MED30: variants seen among roughly 807,000 people sequenced by gnomAD.
MED30 encodes the protein mediator complex subunit 30, also known as mediator of RNA polymerase II transcription subunit 30.
Under a neutral mutation model 21.7 loss-of-function variants are expected in MED30, and 8 were observed. That is an observed-to-expected ratio of 0.37 (90% CI 0.22 to 0.67). MED30 has a LOEUF of 0.67. Among genes scored for constraint, MED30 ranks in the 30% least tolerant of loss-of-function variants. The probability of loss-of-function intolerance (pLI) is 0.58; values close to 1 mark genes in which losing one functional copy is unlikely to be tolerated. For missense variants in MED30, 203 were observed against 228.2 expected (o/e 0.89, Z 0.71); for synonymous variants, 79 against 86.7 (o/e 0.91, Z 0.49).
intron 1 of MED30, among the ~76,000 whole-genome samples, chr8:117,525,277 A>G (rs1818701207): frequency 6.7e-6 from 1 of 150,296 alleles, no homozygotes; most frequent in East Asian, 1.9e-4. Context: ...CTCTTAAAAT[A>G]TTTTAATTAT....
intron 3 of MED30, among the ~76,000 whole-genome samples, chr8:117,533,576 T>A (rs989118894): frequency 1.3e-5 from 2 of 152,166 alleles, no homozygotes; most frequent in African/African-American, 4.8e-5. Flanking sequence ...TAGGGTCATA[T>A]TTCCTTGATT....
In MED30 at chr8:117,530,839, GTTTTTACATTTTATGTT is replaced by G. The variant is rs746617231; in HGVS notation, c.441+15_441+31del. The G allele has an allele frequency of 1.9e-5, 30 of 1,579,032 alleles. No individual in the cohort carries two copies. Among genetic ancestry groups the G allele is most frequent in the Middle Eastern group, 3.3e-4 (2 of 6,032 alleles). Reference sequence around the variant, plus strand: ...CTGAAGTAAATAAAGTGAGTTGTTAGTTTTTACATTTTATGTTTTAGAGTTATTGATAAAAATTACTA... The same window carrying G: ...CTGAAGTAAATAAAGTGAGTTGTTAGTTAGAGTTATTGATAAAAATTACTA... On this transcript the variant is annotated intron_variant, in intron 3 of 3. Transcript: ENST00000297347.
At chr8:117,525,433 A>C (rs891474675) in intron 1 of MED30, among the ~76,000 whole-genome samples, 1 of 151,266 alleles carries the variant, frequency 6.6e-6, no homozygotes, top group Non-Finnish European at 1.5e-5. Context: ...GATACAACTT[A>C]AAGTTATTTT....
intron 3 of MED30, among the ~76,000 whole-genome samples, chr8:117,538,191 A>C (rs1818913808): frequency 6.6e-6 from 1 of 152,218 alleles, no homozygotes; most frequent in Non-Finnish European, 1.5e-5. Flanking sequence ...GTCATCTGAA[A>C]ACTTGTGCAA....
chr8:117,535,304 G>T (rs1186414320), intron 3 of MED30, among the ~76,000 whole-genome samples: 2 of 149,350 alleles, frequency 1.3e-5, no homozygotes, highest in African/African-American at 5.0e-5. Flanking sequence ...GAGTGCAGTG[G>T]CACGATCTCG....
At chr8:117,524,340 G>C (rs1380758557) in intron 1 of MED30, among the ~76,000 whole-genome samples, 1 of 152,164 alleles carries the variant, frequency 6.6e-6, no homozygotes, top group African/African-American at 2.4e-5. Flanking sequence ...ATCTACGAGA[G>C]TAAAGTGCTG....
chr8:117,523,283 G>T, intron 1 of MED30: 1 of 1,212,066 alleles, frequency 8.3e-7, no homozygotes, highest in Non-Finnish European at 1.2e-6. Flanking sequence ...GGCTGACCAT[G>T]TCCACGACCA....
At chr8:117,533,400 C>T (rs944285865) in intron 3 of MED30, among the ~76,000 whole-genome samples, 1 of 152,112 alleles carries the variant, frequency 6.6e-6, no homozygotes, top group African/African-American at 2.4e-5. Flanking sequence ...TCTTTCTCCC[C>T]ATGAGGATTT....
At position 117,539,995 on chromosome 8, in the gene MED30, C is replaced by G; in HGVS notation, c.*17C>G. ...AGGAACTAAGCTGATATTTAAATTT[C>G]CTGCTTTACACATGTTATACCATTG... On this transcript the variant is annotated 3_prime_UTR_variant, in exon 4 of 4. Transcript: ENST00000297347. The G allele has an allele frequency of 1.4e-6, 2 of 1,459,502 alleles. No homozygotes were observed. Among genetic ancestry groups the G allele is most frequent in the African/African-American group, 1.4e-5 (1 of 71,184 alleles). The allele number at this position is 1,459,502 out of a possible 1,614,324, so 90.4% of individuals were successfully genotyped here.
intron 1 of MED30, among the ~76,000 whole-genome samples, chr8:117,526,592 T>C (rs1818723276): frequency 6.6e-6 from 1 of 152,024 alleles, no homozygotes; most frequent in Admixed American, 6.6e-5. Context: ...GAGATGGTTA[T>C]TGATGAGCTT....
At chr8:117,528,461 G>A (rs547200480) in intron 1 of MED30, among the ~76,000 whole-genome samples, 190 bp from the exon 2 acceptor site, 174 of 151,958 alleles carry the variant, frequency 1.1e-3, no homozygotes, top group Admixed American at 1.8e-3. Flanking sequence ...AGTGAAACAG[G>A]TATGCCAAGT....
intron 3 of MED30, among the ~76,000 whole-genome samples, chr8:117,534,946 T>C (rs1468574374): frequency 8.7e-5 from 13 of 149,910 alleles, no homozygotes; most frequent in Non-Finnish European, 1.9e-4. Flanking sequence ...GTTACTAGAA[T>C]AATCTTACCT....
intron 2 of MED30, 36 bp from the exon 3 acceptor site, chr8:117,530,687 T>C (rs934752220): frequency 2.0e-6 from 3 of 1,480,856 alleles, no homozygotes; most frequent in East Asian, 2.3e-5. Context: ...ACTTGAATTA[T>C]ATTTTTGCCT....
At chr8:117,523,501 G>A (rs1818665865) in intron 1 of MED30, 7 of 1,591,508 alleles carry the variant, frequency 4.4e-6, no homozygotes, top group African/African-American at 1.3e-5. Context: ...AACAATCTCC[G>A]GGGGCAGATG....
chr8:117,537,257 A>T (rs2130819542), intron 3 of MED30, among the ~76,000 whole-genome samples: 1 of 152,360 alleles, frequency 6.6e-6, no homozygotes, highest in South Asian at 2.1e-4. Flanking sequence ...CTACTTACAC[A>T]TTCGCCTGTT....
In MED30 at chr8:117,539,977, A is replaced by G. The variant is rs1166882028; in HGVS notation, c.536A>G (p.Ter179=). 1 of 1,569,532 alleles carries G rather than the reference A, an allele frequency of 6.4e-7. No homozygotes were observed. The highest frequency in any genetic ancestry group is 1.4e-5 in the African/African-American group (1 of 73,484). The stretch of plus-strand genomic sequence containing the variant: ...AATGCCATGTTGGCAATGAGGAACT[A>G]AGCTGATATTTAAATTTCCTGCTTT... ...DINAMLAMRN[*] The change falls in exon 4 of 4, where the codon TAA becomes TGA. Residue 179 remains the stop codon, a stop_retained_variant. Coordinates refer to ENST00000297347, the MANE Select transcript of MED30 (RefSeq NM_080651.4).
chr8:117,527,636 CTTTTTTTT>C (rs3040826), intron 1 of MED30, among the ~76,000 whole-genome samples: 17 of 127,578 alleles, frequency 1.3e-4, no homozygotes, highest in Non-Finnish European at 1.3e-4. Flanking sequence ...TTTTTTCTTT[CTTTTTTTT>C]TTTTTTTTTT....
intron 3 of MED30, among the ~76,000 whole-genome samples, chr8:117,535,239 C>CT (rs957435711): frequency 0.017 from 2,106 of 125,710 alleles, 55 homozygotes; most frequent in African/African-American, 0.038. Context: ...TCCATTGATA[C>CT]TTTTTTTTTT....
chr8:117,524,095 T>C (rs1818682342), intron 1 of MED30: 1 of 158,360 alleles, frequency 6.3e-6, no homozygotes, highest in African/African-American at 2.4e-5. Context: ...CAAAGCCAGC[T>C]TTTGAGGGAC....
Sources: allele counts gnomAD v4.1 joint callset (sites outside exome capture counted in the v4.1 genomes callset), GRCh38; gene constraint gnomAD v4.1.1; transcripts MANE v1.5; gene names NCBI Gene and HGNC (gene_info 2026-07-23, HGNC 2026-07-21).